The following FRMPD1 variants were observed in gnomAD, a reference collection of about 807,000 sequenced individuals.
The protein encoded by FRMPD1 is FERM and PDZ domain-containing protein 1.
FRMPD1 carries 76 observed loss-of-function variants against 117.8 expected under a neutral mutation model. The ratio of observed to expected loss-of-function variants is 0.65; its 90% CI spans 0.54 to 0.78. FRMPD1 has a LOEUF of 0.78. Among genes scored for constraint, FRMPD1 ranks in the 30% least tolerant of loss-of-function variants. The pLI is 0.00. For synonymous variants in FRMPD1, 783 were observed against 770.4 expected, an observed-to-expected ratio of 1.02 and a Z score of -0.27; for missense variants, 1,786 against 1,964.5, an observed-to-expected ratio of 0.91 and a Z score of 1.72.
chr9:37,638,025 TCTCTCTTTC>T, the FRMPD1 span, among the ~76,000 whole-genome samples: 30 of 91,590 alleles, frequency 3.3e-4, 1 homozygote, highest in African/African-American at 1.1e-3. Context: ...TCTTTCTTTC[TCTCTCTTTC>T]TTCCTTTCTT....
At chr9:37,667,444 G>A (rs562162621) in intron 1 of FRMPD1, among the ~76,000 whole-genome samples, 21 of 150,894 alleles carry the variant, frequency 1.4e-4, no homozygotes, top group African/African-American at 4.9e-4. Flanking sequence ...AGGCTGAGGC[G>A]GGCGGGTTGC....
chr9:37,638,954 C>G, the FRMPD1 span, among the ~76,000 whole-genome samples: 1 of 152,112 alleles, frequency 6.6e-6, no homozygotes, highest in Non-Finnish European at 1.5e-5. Context: ...TCGTGGTGCC[C>G]ACAGTAATTT....
chr9:37,636,798 C>T, the FRMPD1 span: 2 of 1,611,784 alleles, frequency 1.2e-6, no homozygotes, highest in African/African-American at 1.3e-5. Context: ...ATCTCAGCAG[C>T]CATGGTCATG....
chr9:37,609,378 C>T, the FRMPD1 span, among the ~76,000 whole-genome samples: 1 of 152,012 alleles, frequency 6.6e-6, no homozygotes, highest in Admixed American at 6.6e-5. Flanking sequence ...CCCCAAGAAA[C>T]TTCCTCCCCT....
chr9:37,640,997 C>T, the FRMPD1 span, among the ~76,000 whole-genome samples: 2 of 152,228 alleles, frequency 1.3e-5, no homozygotes, highest in African/African-American at 2.4e-5. Context: ...AAGCCATCCT[C>T]CCGCCTCAGC....
At chr9:37,705,052 G>A (rs1031741503) in intron 2 of FRMPD1, among the ~76,000 whole-genome samples, 35 of 151,872 alleles carry the variant, frequency 2.3e-4, no homozygotes, top group African/African-American at 5.8e-4. Flanking sequence ...GCCTAACACC[G>A]AATGTACATT....
the FRMPD1 span, among the ~76,000 whole-genome samples, chr9:37,636,418 G>A: frequency 6.6e-6 from 1 of 152,152 alleles, no homozygotes; most frequent in Admixed American, 6.5e-5. Context: ...AGGTGTGTAG[G>A]GGGGGCATCT....
the FRMPD1 span, among the ~76,000 whole-genome samples, chr9:37,643,300 T>A: frequency 8.5e-5 from 13 of 152,270 alleles, no homozygotes; most frequent in African/African-American, 2.9e-4. Context: ...TCCTTTGTTA[T>A]TTTTTTCCTC....
At chr9:37,730,513 G>C in intron 8 of FRMPD1, among the ~76,000 whole-genome samples, 1 of 152,138 alleles carries the variant, frequency 6.6e-6, no homozygotes, top group East Asian at 1.9e-4. Flanking sequence ...CCGATTAGAA[G>C]GTTTACTGCT....
intron 5 of FRMPD1, chr9:37,715,671 G>C (rs1371335234): frequency 4.4e-6 from 2 of 456,114 alleles, no homozygotes; most frequent in Admixed American, 2.4e-5. Flanking sequence ...ATATGAGATG[G>C]CTGAAGTGGG....
chr9:37,622,589 C>A, the FRMPD1 span, among the ~76,000 whole-genome samples: 108 of 152,336 alleles, frequency 7.1e-4, no homozygotes, highest in African/African-American at 2.3e-3. Flanking sequence ...GCAACTGAGG[C>A]AGAAACTCCA....
At chr9:37,723,913 T>C (rs1358334897) in intron 6 of FRMPD1, among the ~76,000 whole-genome samples, 1 of 151,818 alleles carries the variant, frequency 6.6e-6, no homozygotes, top group African/African-American at 2.4e-5. Context: ...CAGGAGAATT[T>C]GCTTGAACCC....
chr9:37,688,885 T>C (rs1452337650), intron 1 of FRMPD1, among the ~76,000 whole-genome samples: 1 of 152,136 alleles, frequency 6.6e-6, no homozygotes, highest in Non-Finnish European at 1.5e-5. Context: ...TAAGTGATTT[T>C]ATTTTCATTA....
At chr9:37,658,571 T>G (rs1299813247) in intron 1 of FRMPD1, among the ~76,000 whole-genome samples, 1 of 151,942 alleles carries the variant, frequency 6.6e-6, no homozygotes, top group Non-Finnish European at 1.5e-5. Context: ...CCCACTGGAG[T>G]CTCTAAGGGG....
chr9:37,684,032 A>G (rs1206948812), intron 1 of FRMPD1, among the ~76,000 whole-genome samples: 237 of 57,112 alleles, frequency 4.1e-3, no homozygotes, highest in East Asian at 5.3e-3. Flanking sequence ...TGGGGGAGAT[A>G]AAGTTGGCGG....
At position 37,745,398 on chromosome 9, in the gene FRMPD1, C is replaced by A; in HGVS notation, c.3366C>A (p.Thr1122=). The A allele has an allele frequency of 6.2e-7, 1 of 1,614,068 alleles. No individual in the cohort carries two copies. Among genetic ancestry groups the A allele is most frequent in the Non-Finnish European group, 8.5e-7 (1 of 1,179,962 alleles). ...GAGAAGTTACAAACAAAAATGGCAC[C>A]AACGTATTTCAGGAGGAGTCTAGGA... The part of the protein sequence containing the change: ...RDREVTNKNG[T]NVFQEESRKD... Residue 1122 remains threonine (T), a synonymous_variant, in exon 16 of 16, where the codon ACC becomes ACA. Transcript: ENST00000377765.
chr9:37,727,563 G>C (rs1296622243), intron 7 of FRMPD1, among the ~76,000 whole-genome samples: 1 of 152,024 alleles, frequency 6.6e-6, no homozygotes, highest in Non-Finnish European at 1.5e-5. Flanking sequence ...AGGTAGACAT[G>C]GGAGAATGGA....
chr9:37,613,064 A>T, the FRMPD1 span, among the ~76,000 whole-genome samples: 1 of 152,248 alleles, frequency 6.6e-6, no homozygotes, highest in Non-Finnish European at 1.5e-5. Context: ...GAAAACGTTC[A>T]AGCAAAGGCA....
intron 8 of FRMPD1, among the ~76,000 whole-genome samples, chr9:37,730,314 A>G (rs1363866606): frequency 2.6e-5 from 4 of 152,178 alleles, no homozygotes; most frequent in African/African-American, 7.2e-5. Flanking sequence ...ATATCACTCA[A>G]TCTCCCAACC....
Sources: gnomAD v4.1 joint callset for allele counts (sites outside exome capture counted in the v4.1 genomes callset) on GRCh38, gnomAD v4.1.1 for gene constraint, MANE v1.5 for transcripts, NCBI Gene and HGNC (gene_info 2026-07-23, HGNC 2026-07-21) for gene names.